Variants in TMTC3 observed in about 807,000 individuals in gnomAD.
The protein encoded by TMTC3 is protein O-mannosyl-transferase TMTC3.
TMTC3 carries 52 observed loss-of-function variants against 92.2 expected under a neutral mutation model. The observed-to-expected ratio is 0.56, with a 90% CI of 0.45 to 0.71. TMTC3 has a LOEUF of 0.71. TMTC3 is among the 30% of genes least tolerant of loss of function. The probability of loss-of-function intolerance (pLI) is 0.00; values close to 1 mark genes in which losing one functional copy is unlikely to be tolerated. For missense variants in TMTC3, 896 were observed against 1,057.1 expected (o/e 0.85, Z 2.11); for synonymous variants, 339 against 363.3 (o/e 0.93, Z 0.76).
At chr12:88,146,895 A>G (rs997784227) in intron 1 of TMTC3, among the ~76,000 whole-genome samples, 1 of 149,982 alleles carries the variant, frequency 6.7e-6, no homozygotes, top group Non-Finnish European at 1.5e-5. Context: ...GTAGTTTAAT[A>G]TGTTTATTAT....
At chr12:88,158,066 A>C (rs574706700) in intron 4 of TMTC3, among the ~76,000 whole-genome samples, 1 of 152,284 alleles carries the variant, frequency 6.6e-6, no homozygotes, top group South Asian at 2.1e-4. Flanking sequence ...TTTAAAAAAT[A>C]CCTCTACAAT....
intron 11 of TMTC3, 26 bp from the exon 12 acceptor site, chr12:88,190,427 A>G: frequency 1.9e-6 from 3 of 1,604,814 alleles, no homozygotes; most frequent in Non-Finnish European, 1.7e-6. Flanking sequence ...ATATCAAATC[A>G]TGAAAATGCC....
chr12:88,178,988 T>G lies in TMTC3; in HGVS notation c.1432+2669T>G, dbSNP rs1447076368. ...GGACACTCAGTTTTTAAATAATTTT[T>G]CCCCCTCATTGTCAATTGTCACTAA... On this transcript the variant is annotated intron_variant, in intron 10 of 13. Transcript: ENST00000266712. Among the ~76,000 whole-genome samples, 12 of 152,320 alleles carry G rather than the reference T, an allele frequency of 7.9e-5. No homozygotes were observed. In the South Asian group the frequency reaches 2.5e-3, roughly 32 times the overall value.
At position 88,196,821 on chromosome 12, in the gene TMTC3, A is replaced by C. The variant is rs774788546; in HGVS notation, c.*1172A>C. On this transcript the variant is annotated 3_prime_UTR_variant, in exon 14 of 14. Transcript: ENST00000266712. ...TATATTATGGATTAACCAGAATTGT[A>C]TCATTTTTGGCCTAATGTCTGGATA... 6.6e-6 allele frequency: 1 copy of C among 151,866 alleles called. No homozygotes were observed. Among genetic ancestry groups the C allele is most frequent in the African/African-American group, 2.4e-5 (1 of 41,444 alleles). The allele number at this position is 151,866 out of a possible 1,614,324, so 9.4% of individuals were successfully genotyped here.
At chr12:88,167,759 A>C (rs2041161982) in intron 7 of TMTC3, among the ~76,000 whole-genome samples, 1 of 152,210 alleles carries the variant, frequency 6.6e-6, no homozygotes, top group Admixed American at 6.5e-5. Context: ...TTACTGTTGA[A>C]ACATCCTGTT....
chr12:88,189,069 G>C (rs2041410727), intron 11 of TMTC3, 123 bp downstream of exon 11: 1 of 601,440 alleles, frequency 1.7e-6, no homozygotes, highest in Admixed American at 3.5e-5. Flanking sequence ...GTTTTATAAA[G>C]AATTACATTT....
intron 10 of TMTC3, among the ~76,000 whole-genome samples, chr12:88,185,748 A>G (rs944544374): frequency 2.0e-5 from 3 of 150,268 alleles, no homozygotes; most frequent in Admixed American, 2.0e-4. Context: ...AATTTTTAAC[A>G]CAAGTAAATG....
At chr12:88,158,353 C>G (rs1448951996) in intron 4 of TMTC3, among the ~76,000 whole-genome samples, 1 of 152,118 alleles carries the variant, frequency 6.6e-6, no homozygotes, top group East Asian at 1.9e-4. Flanking sequence ...CTTCAAGGGC[C>G]AACATTAGGT....
chr12:88,192,453 C>T, intron 12 of TMTC3, 151 bp from the exon 13 acceptor site: 1 of 581,988 alleles, frequency 1.7e-6, no homozygotes, highest in Non-Finnish European at 3.1e-6. Context: ...AGGACAGTTT[C>T]AAAGAGTTGT....
rs139888640 is a variant in TMTC3 at position 88,147,883 on chromosome 12, A to C, written c.-28-405A>C. Among the ~76,000 whole-genome samples, 20 of 152,258 alleles carry C rather than the reference A, an allele frequency of 1.3e-4. No individual in the cohort carries two copies. In the East Asian group the frequency reaches 3.9e-3, roughly 29 times the overall value. Reference sequence around the variant, plus strand: ...TAAAGTTTTACAGAATTTTGTGCCCAGTAGAAAAGGGATGGAGGGTCTCAA... The same window carrying C: ...TAAAGTTTTACAGAATTTTGTGCCCCGTAGAAAAGGGATGGAGGGTCTCAA... On this transcript the variant is annotated intron_variant, in intron 1 of 13. Coordinates refer to ENST00000266712, the MANE Select transcript of TMTC3 (RefSeq NM_181783.4).
intron 8 of TMTC3, chr12:88,172,989 T>A (rs1036870452): frequency 7.1e-7 from 1 of 1,409,076 alleles, no homozygotes; most frequent in African/African-American, 1.4e-5. Flanking sequence ...AAACTTTGAG[T>A]CAGATCCAAA....
chr12:88,167,474 C>CA, intron 7 of TMTC3, among the ~76,000 whole-genome samples: 1 of 152,246 alleles, frequency 6.6e-6, no homozygotes, highest in Middle Eastern at 3.4e-3. Flanking sequence ...TATTATATGT[C>CA]AGAAAGTATG....
intron 10 of TMTC3, among the ~76,000 whole-genome samples, chr12:88,184,030 A>AC (rs1032253485): frequency 2.3e-4 from 35 of 152,110 alleles, no homozygotes; most frequent in African/African-American, 8.0e-4. Context: ...CACACGGGGC[A>AC]CCACCTGCCG....
Position 88,148,442 on chromosome 12 carries a change from C to T in TMTC3, c.127C>T (p.His43Tyr), listed in dbSNP as rs751105372. 1.2e-6 allele frequency: 2 copies of T among 1,613,380 alleles called. No individual in the cohort carries two copies. Among genetic ancestry groups the T allele is most frequent in the Non-Finnish European group, 1.7e-6 (2 of 1,179,654 alleles). Residue 43 changes from histidine to tyrosine, a missense_variant, in exon 2 of 14, where the codon CAT (histidine) becomes TAT (tyrosine). By Grantham distance (83) the His-to-Tyr change is moderately conservative. Coordinates refer to ENST00000266712, the MANE Select transcript of TMTC3 (RefSeq NM_181783.4). Reference sequence around the variant, plus strand: ...AGCAATACTGGATAACAAAGACTTGCATCCATCTACACCTTTAAAAACTTT... The same window carrying T: ...AGCAATACTGGATAACAAAGACTTGTATCCATCTACACCTTTAAAAACTTT... ...VSAILDNKDL[H>Y]PSTPLKTLFQ... is the part of the protein sequence containing the mutation.
chr12:88,181,185 G>T (rs887836415), intron 10 of TMTC3, among the ~76,000 whole-genome samples: 3 of 152,174 alleles, frequency 2.0e-5, no homozygotes, highest in Non-Finnish European at 4.4e-5. Flanking sequence ...AAAGTTAAGA[G>T]AAAATGTTTA....
Position 88,160,146 on chromosome 12 carries a change from G to A in TMTC3, c.541G>A (p.Val181Met), listed in dbSNP as rs141504732. ...TCCAATTGCCTTGACAGTGTTTTTA[G>A]TGGCTGTTGCAACATTATGTAAAGA... ...WTPIALTVFLVAVATLCKEQG... is the reference protein window; with the variant it reads ...WTPIALTVFLMAVATLCKEQG... Residue 181 changes from valine (V) to methionine (M), a missense_variant, in exon 5 of 14, where the codon GTG (valine) becomes ATG (methionine). Physicochemically the swap from Val to Met is conservative, Grantham distance 21. Transcript: ENST00000266712. 265 of 1,592,380 alleles carry A rather than the reference G, an allele frequency of 1.7e-4. 1 individual carries two copies. In the African/African-American group the frequency reaches 3.4e-3, roughly 20 times the overall value.
chr12:88,184,382 C>CT (rs1209219149), intron 10 of TMTC3, among the ~76,000 whole-genome samples: 4 of 152,208 alleles, frequency 2.6e-5, no homozygotes, highest in Non-Finnish European at 2.9e-5. Flanking sequence ...CTTATCTACT[C>CT]TTTTCTCTCA....
At position 88,199,352 on chromosome 12, in the gene TMTC3, T is replaced by A. The variant is rs2041555254; in HGVS notation, c.*3703T>A. 1 of 151,564 alleles carries A rather than the reference T, an allele frequency of 6.6e-6. No individual in the cohort carries two copies. Among genetic ancestry groups the A allele is most frequent in the Non-Finnish European group, 1.5e-5 (1 of 67,898 alleles). The allele number at this position is 151,564 out of a possible 1,614,324, so 9.4% of individuals were successfully genotyped here. A position where few individuals can be genotyped will look rare whatever the true frequency, so the allele number is the denominator to read the frequency against. On this transcript the variant is annotated 3_prime_UTR_variant, in exon 14 of 14. Coordinates refer to ENST00000266712, the MANE Select transcript of TMTC3 (RefSeq NM_181783.4). Reference sequence around the variant, plus strand: ...GAAAAACATTTTCCTCTTAAAATTGTGAAGAGGATTTATATATTTATATGA... The same window carrying A: ...GAAAAACATTTTCCTCTTAAAATTGAGAAGAGGATTTATATATTTATATGA...
chr12:88,145,251 A>G (rs2040858625), intron 1 of TMTC3, among the ~76,000 whole-genome samples: 1 of 152,142 alleles, frequency 6.6e-6, no homozygotes, highest in African/African-American at 2.4e-5. Context: ...TGGCAAATTA[A>G]GCCATGGTTA....
Sources: allele counts gnomAD v4.1 joint callset (sites outside exome capture counted in the v4.1 genomes callset), GRCh38; gene constraint gnomAD v4.1.1; transcripts MANE v1.5; gene names NCBI Gene and HGNC (gene_info 2026-07-23, HGNC 2026-07-21).